MRE11: variants seen among roughly 807,000 people sequenced by gnomAD.
MRE11 encodes MRE11 double strand break repair nuclease, also known as double-strand break repair protein MRE11.
Under a neutral mutation model 91.7 loss-of-function variants are expected in MRE11, and 62 were observed. That is an observed-to-expected ratio of 0.68 (90% CI 0.55 to 0.84). The LOEUF (loss-of-function observed/expected upper bound fraction) is 0.84, where lower values mean the gene tolerates loss of function less well. Among genes scored for constraint, MRE11 ranks in the 40% least tolerant of loss-of-function variants. MRE11 has a pLI of 0.00. For synonymous variants in MRE11, 273 were observed against 271.4 expected, an observed-to-expected ratio of 1.01 and a Z score of -0.06; for missense variants, 796 against 852.9, an observed-to-expected ratio of 0.93 and a Z score of 0.83.
chr11:94,473,783 G>C (rs960808419), intron 7 of MRE11, among the ~76,000 whole-genome samples: 1 of 151,968 alleles, frequency 6.6e-6, no homozygotes, highest in African/African-American at 2.4e-5. Context: ...TTTTGCACAG[G>C]GGTATGAGTT....
At chr11:94,492,342 G>A (rs493982) in intron 2 of MRE11, among the ~76,000 whole-genome samples, 65,219 of 151,862 alleles carry the variant, frequency 0.43, 14,238 homozygotes, top group South Asian at 0.57. Context: ...GCTAGCCTCG[G>A]CCTCCCAAAG....
rs1461466405 is a variant in MRE11, at chr11:94,492,794, G to A, written c.8C>T (p.Thr3Ile). ...GTCAGGTGCTTACAGTGCATCTGCA[G>A]TACTCATTTTTATGGTCAGTCAAGC... MS[T>I]ADALDDENTF... The change falls in exon 2 of 20, where the codon ACT becomes ATT. Residue 3 changes from threonine to isoleucine, a missense_variant. Thr to Ile is a moderately conservative substitution (Grantham distance 89, BLOSUM62 -1). Coordinates refer to ENST00000323929, the MANE Select transcript of MRE11 (RefSeq NM_005591.4). 1.2e-6 allele frequency: 2 copies of A among 1,613,748 alleles called. No homozygotes were observed. The highest frequency in any genetic ancestry group is 1.1e-5 in the South Asian group (1 of 91,080).
chr11:94,461,627 C>G (rs1056966544), intron 11 of MRE11, among the ~76,000 whole-genome samples: 4 of 152,168 alleles, frequency 2.6e-5, no homozygotes, highest in African/African-American at 9.7e-5. Flanking sequence ...CCAGGGCAAT[C>G]AGGCAGGAGA....
intron 3 of MRE11, among the ~76,000 whole-genome samples, chr11:94,486,304 C>T (rs1047204401): frequency 1.3e-5 from 2 of 152,194 alleles, no homozygotes; most frequent in Non-Finnish European, 2.9e-5. Context: ...CTTCCAATTA[C>T]ACCAAGTCTC....
In MRE11 at chr11:94,419,465, G is replaced by GGAGAGAGAGAGAGAGAGAGAGA. The variant is rs201800515; in HGVS notation, c.*638_*659dup. 2.8e-5 allele frequency: 6 copies of GGAGAGAGAGAGAGAGAGAGAGA among 216,428 alleles called. No individual in the cohort carries two copies. Among genetic ancestry groups the GGAGAGAGAGAGAGAGAGAGAGA allele is most frequent in the African/African-American group, 1.2e-4 (5 of 40,706 alleles). 13.4% of individuals were successfully genotyped at this position (216,428 alleles called of 1,614,324 possible). On this transcript the variant is annotated 3_prime_UTR_variant, in exon 20 of 20. Coordinates refer to ENST00000323929, the MANE Select transcript of MRE11 (RefSeq NM_005591.4). ...GAAGAGTGGGGAACGGGGGGGAGAG[G>GGAGAGAGAGAGAGAGAGAGAGA]GAGAGAGAGAGAGAGAGAGAGAGAG...
chr11:94,472,443 T>C (rs1299691908), intron 7 of MRE11, among the ~76,000 whole-genome samples: 2 of 152,084 alleles, frequency 1.3e-5, no homozygotes, highest in Admixed American at 1.3e-4. Context: ...CCAATATTCT[T>C]CCATTCACCC....
At position 94,459,397 on chromosome 11, in the gene MRE11, T is replaced by C; in HGVS notation, c.1500+11A>G. On this transcript the variant is annotated intron_variant, in intron 13 of 19. Coordinates refer to ENST00000323929, the MANE Select transcript of MRE11 (RefSeq NM_005591.4). The stretch of plus-strand genomic sequence containing the variant: ...TTTAAATAGACCTAGACACTCAAAT[T>C]AGTTACTTACCTCCTCATCGATTTT... 6.2e-7 allele frequency: 1 copy of C among 1,613,668 alleles called. No homozygotes were observed. The highest frequency in any genetic ancestry group is 8.5e-7 in the Non-Finnish European group (1 of 1,179,734).
intron 14 of MRE11, among the ~76,000 whole-genome samples, chr11:94,450,066 T>C (rs1164507427): frequency 6.6e-6 from 1 of 152,188 alleles, no homozygotes; most frequent in Non-Finnish European, 1.5e-5. Flanking sequence ...ATATGACTTT[T>C]GGAGAAAAAA....
intron 11 of MRE11, among the ~76,000 whole-genome samples, chr11:94,462,483 C>T (rs1946446696): frequency 1.3e-5 from 2 of 152,230 alleles, no homozygotes; most frequent in South Asian, 4.1e-4. Flanking sequence ...CAATCCTAAG[C>T]AAAAAGATCA....
At position 94,457,887 on chromosome 11, in the gene MRE11, T is replaced by TCTCACACACACACA. The variant is rs372404360; in HGVS notation, c.1500+1520_1500+1521insTGTGTGTGTGTGAG. Among the ~76,000 whole-genome samples, 858 of 144,290 alleles carry TCTCACACACACACA rather than the reference T, an allele frequency of 5.9e-3. 12 individuals carry two copies. Among genetic ancestry groups the TCTCACACACACACA allele is most frequent in the African/African-American group, 0.021 (816 of 38,648 alleles). The allele number at this position is 144,290 out of a possible 152,430, so 94.7% of individuals were successfully genotyped here. On this transcript the variant is annotated intron_variant, in intron 13 of 19. Transcript: ENST00000323929. ...TTCTCTCTCTCCCTCTCTCTCTCTC[T>TCTCACACACACACA]CACACACACACACACACACACACAC...
the MRE11 span, among the ~76,000 whole-genome samples, chr11:94,502,590 C>T: frequency 2.6e-5 from 4 of 152,196 alleles, no homozygotes; most frequent in African/African-American, 4.8e-5. Flanking sequence ...CTTGTATCTA[C>T]TTTTAAATAT....
intron 4 of MRE11, 35 bp from the exon 5 acceptor site, chr11:94,479,796 G>C (rs12282772): frequency 6.5e-7 from 1 of 1,549,522 alleles, no homozygotes; most frequent in Non-Finnish European, 8.8e-7. Context: ...ATTTCCATAC[G>C]GGACAAAAGC....
chr11:94,435,977 C>T lies in MRE11; in HGVS notation c.1927-78G>A, dbSNP rs1945599757. On this transcript the variant is annotated intron_variant, in intron 17 of 19. Coordinates refer to ENST00000323929, the MANE Select transcript of MRE11 (RefSeq NM_005591.4). ...AAAATGAAAATGAAGAAATGAATTA[C>T]ACGATTAAATCTTAAGTTATATATG... 3 of 1,280,106 alleles carry T rather than the reference C, an allele frequency of 2.3e-6. No individual in the cohort carries two copies. The South Asian group carries it at 3.6e-5, about 15-fold the overall frequency. 79.3% of individuals were successfully genotyped at this position (1,280,106 alleles called of 1,614,324 possible).
rs1195812241 is a variant in MRE11, at chr11:94,471,028, A to G, written c.846-386T>C. Among the ~76,000 whole-genome samples, 3 of 152,064 alleles carry G rather than the reference A, an allele frequency of 2.0e-5. No homozygotes were observed. The South Asian group carries it at 6.2e-4, about 32-fold the overall frequency. On this transcript the variant is annotated intron_variant, in intron 8 of 19. Transcript: ENST00000323929. ...TGATTTTGCAGTGGACTCATGAAGA[A>G]AAAAAACCAACCAACATAGATTCTA...
chr11:94,503,552 T>C, the MRE11 span, among the ~76,000 whole-genome samples: 1 of 151,994 alleles, frequency 6.6e-6, no homozygotes, highest in Admixed American at 6.6e-5. Context: ...TAGCTGGGCA[T>C]GGTGGCACAC....
At chr11:94,465,395 CTTTTT>C (rs752729940) in intron 10 of MRE11, among the ~76,000 whole-genome samples, 3 of 127,954 alleles carry the variant, frequency 2.3e-5, no homozygotes, top group African/African-American at 6.2e-5. Flanking sequence ...CTCTCTCTCT[CTTTTT>C]TTTTTTTTTT....
At position 94,461,000 on chromosome 11, in the gene MRE11, G is replaced by A; in HGVS notation, c.1262C>T (p.Pro421Leu). Reference sequence around the variant, plus strand: ...TACCCTTAAAGTTGTTCCTTCTGAAGGCTTTGTGATAAGTTTCCCAAAGTT... The same window carrying A: ...TACCCTTAAAGTTGTTCCTTCTGAAAGCTTTGTGATAAGTTTCCCAAAGTT... ...EINFGKLITK[P>L]SEGTTLRVED... Residue 421 changes from proline (P) to leucine (L), a missense_variant, in exon 12 of 20, where the codon CCT becomes CTT. Pro to Leu is a moderately conservative substitution (Grantham distance 98, BLOSUM62 -3). Transcript: ENST00000323929. 6.2e-7 allele frequency: 1 copy of A among 1,613,638 alleles called. No homozygotes were observed. Among genetic ancestry groups the A allele is most frequent in the South Asian group, 1.1e-5 (1 of 91,072 alleles).
intron 4 of MRE11, 135 bp downstream of exon 4, chr11:94,485,789 A>G (rs912063889): frequency 1.2e-6 from 1 of 830,778 alleles, no homozygotes; most frequent in African/African-American, 1.7e-5. Flanking sequence ...ACAATGATGT[A>G]CAAAAAAATT....
intron 9 of MRE11, among the ~76,000 whole-genome samples, chr11:94,468,557 T>C (rs1278894981): frequency 6.6e-6 from 1 of 152,200 alleles, no homozygotes; most frequent in African/African-American, 2.4e-5. Context: ...AGTTCTTGTA[T>C]TGGAACAAAA....
Sources: gnomAD v4.1 joint callset for allele counts (sites outside exome capture counted in the v4.1 genomes callset) on GRCh38, gnomAD v4.1.1 for gene constraint, MANE v1.5 for transcripts, NCBI Gene and HGNC (gene_info 2026-07-23, HGNC 2026-07-21) for gene names.